The following KITLG variants were observed in gnomAD, a reference collection of about 807,000 sequenced individuals.
KITLG encodes the protein KIT ligand, also known as c-Kit ligand.
Under a neutral mutation model 34.1 loss-of-function variants are expected in KITLG, and 13 were observed. That is an observed-to-expected ratio of 0.38 (90% CI 0.25 to 0.61). The LOEUF (loss-of-function observed/expected upper bound fraction) is 0.61. KITLG is among the 20% of genes least tolerant of loss of function. The pLI is 0.60. For missense variants in KITLG, 292 were observed against 318.9 expected, an observed-to-expected ratio of 0.92 and a Z score of 0.64; for synonymous variants, 110 against 104.0, an observed-to-expected ratio of 1.06 and a Z score of -0.35.
chr12:88,522,880 T>C (rs1041959979), intron 3 of KITLG, among the ~76,000 whole-genome samples: 1 of 152,216 alleles, frequency 6.6e-6, no homozygotes, highest in Non-Finnish European at 1.5e-5. Context: ...TTCTTTCTTA[T>C]AGGGCCTAAA....
intron 1 of KITLG, among the ~76,000 whole-genome samples, chr12:88,564,759 C>G (rs1871392641): frequency 6.6e-6 from 1 of 151,046 alleles, no homozygotes; most frequent in Non-Finnish European, 1.5e-5. Context: ...AAAAGGAACA[C>G]AGATCATGCT....
At chr12:88,567,858 G>C (rs567561796) in intron 1 of KITLG, among the ~76,000 whole-genome samples, 4 of 152,226 alleles carry the variant, frequency 2.6e-5, no homozygotes, top group South Asian at 4.1e-4. Context: ...AATGTTATCC[G>C]AAGAATCAAG....
intron 1 of KITLG, among the ~76,000 whole-genome samples, chr12:88,576,812 C>A (rs1428846824): frequency 6.6e-6 from 1 of 151,986 alleles, no homozygotes; most frequent in Non-Finnish European, 1.5e-5. Flanking sequence ...TAAAAAACCT[C>A]CAATACCCAC....
At chr12:88,529,593 T>C (rs1870004154) in intron 3 of KITLG, among the ~76,000 whole-genome samples, 1 of 152,210 alleles carries the variant, frequency 6.6e-6, no homozygotes, top group Admixed American at 6.5e-5. Flanking sequence ...TATTCTATTC[T>C]AGAGCTTTCT....
chr12:88,553,436 T>C (rs1215076763), intron 1 of KITLG, among the ~76,000 whole-genome samples: 1 of 152,188 alleles, frequency 6.6e-6, no homozygotes, highest in East Asian at 1.9e-4. Flanking sequence ...TGGGTAATCA[T>C]CTATTTTTTT....
At chr12:88,556,331 A>G (rs1227700688) in intron 1 of KITLG, among the ~76,000 whole-genome samples, 1 of 151,776 alleles carries the variant, frequency 6.6e-6, no homozygotes, top group African/African-American at 2.4e-5. Context: ...TAAGCAAGGG[A>G]GTGTCAAGAT....
At chr12:88,559,767 T>C (rs1192515107) in intron 1 of KITLG, among the ~76,000 whole-genome samples, 2 of 152,238 alleles carry the variant, frequency 1.3e-5, no homozygotes, top group Non-Finnish European at 2.9e-5. Flanking sequence ...CATGAGAGTT[T>C]AATACAATTC....
rs1871074303 is a variant in KITLG, at chr12:88,555,693, TA to T, written c.16-9829del. Among the ~76,000 whole-genome samples the T allele has an allele frequency of 1.3e-5, 2 of 152,144 alleles. 1 individual carries two copies. The highest frequency in any genetic ancestry group is 2.9e-5 in the Non-Finnish European group (2 of 68,028). The stretch of plus-strand genomic sequence containing the variant: ...CTTAGCTATAGCTTAAACAAAAATT[TA>T]CATAGCTAGAGGGAGGGGAGAAACC... On this transcript the variant is annotated intron_variant, in intron 1 of 9. Transcript: ENST00000644744.
intron 3 of KITLG, among the ~76,000 whole-genome samples, chr12:88,520,485 GA>G (rs1388410359): frequency 5.3e-5 from 8 of 152,166 alleles, no homozygotes; most frequent in African/African-American, 1.9e-4. Context: ...TCATTCCGTT[GA>G]AATTGTGCAA....
chr12:88,526,810 G>A (rs1373730225), intron 3 of KITLG, among the ~76,000 whole-genome samples: 2 of 150,830 alleles, frequency 1.3e-5, no homozygotes, highest in African/African-American at 4.9e-5. Flanking sequence ...AACTGGTAAC[G>A]ATAACGATAA....
chr12:88,560,944 G>C (rs984921076), intron 1 of KITLG, among the ~76,000 whole-genome samples: 1 of 143,550 alleles, frequency 7.0e-6, no homozygotes, highest in African/African-American at 2.6e-5. Context: ...CTCAAGCCTG[G>C]GTAACAAAGC....
At chr12:88,554,048 G>A (rs535031132) in intron 1 of KITLG, among the ~76,000 whole-genome samples, 1 of 152,132 alleles carries the variant, frequency 6.6e-6, no homozygotes, top group African/African-American at 2.4e-5. Flanking sequence ...TGAACACAGA[G>A]CTTTCCTTAC....
At chr12:88,517,947 T>C (rs1869513370) in intron 4 of KITLG, among the ~76,000 whole-genome samples, 1 of 152,130 alleles carries the variant, frequency 6.6e-6, no homozygotes, top group Non-Finnish European at 1.5e-5. Flanking sequence ...TTGAACTGTA[T>C]ACCAAATCAG....
chr12:88,568,826 G>C (rs1450528910), intron 1 of KITLG, among the ~76,000 whole-genome samples: 1 of 151,992 alleles, frequency 6.6e-6, no homozygotes, highest in Non-Finnish European at 1.5e-5. Context: ...AGAAGGGAAA[G>C]AACAAGGAAA....
At chr12:88,515,060 C>T (rs1050272610) in intron 6 of KITLG, among the ~76,000 whole-genome samples, 3 of 151,622 alleles carry the variant, frequency 2.0e-5, no homozygotes, top group Admixed American at 6.6e-5. Flanking sequence ...TTTCCAAATG[C>T]GCAATAGTAA....
At chr12:88,498,480 T>C (rs959573679) in intron 9 of KITLG, among the ~76,000 whole-genome samples, 1 of 152,160 alleles carries the variant, frequency 6.6e-6, no homozygotes, top group African/African-American at 2.4e-5. Flanking sequence ...ATATAGAAGA[T>C]ATTTTAAAAG....
chr12:88,521,386 G>A (rs4842626), intron 3 of KITLG, among the ~76,000 whole-genome samples: 94,674 of 151,924 alleles, frequency 0.62, 35,276 homozygotes, highest in Middle Eastern at 0.83. Flanking sequence ...TTTGTGAGGT[G>A]ATAGCAGGTC....
chr12:88,527,259 A>T (rs1869908853), intron 3 of KITLG, among the ~76,000 whole-genome samples: 1 of 152,202 alleles, frequency 6.6e-6, no homozygotes, highest in African/African-American at 2.4e-5. Context: ...ATAAAGAAAC[A>T]GGAATGAAAT....
chr12:88,565,677 A>G (rs1039513827), intron 1 of KITLG, among the ~76,000 whole-genome samples: 2 of 152,154 alleles, frequency 1.3e-5, no homozygotes, highest in Non-Finnish European at 2.9e-5. Context: ...TAAAATGTCA[A>G]CAGTACTAAT....
Sources: gnomAD v4.1 joint callset for allele counts (sites outside exome capture counted in the v4.1 genomes callset) on GRCh38, gnomAD v4.1.1 for gene constraint, MANE v1.5 for transcripts, NCBI Gene and HGNC (gene_info 2026-07-23, HGNC 2026-07-21) for gene names.